The following MID1 variants were observed in gnomAD, a reference collection of about 807,000 sequenced individuals.
MID1 encodes the protein E3 ubiquitin-protein ligase Midline-1.
A neutral mutation model predicts 40.4 loss-of-function variants in MID1; 7 were observed. The observed-to-expected ratio is 0.17, with a 90% confidence interval of 0.10 to 0.33. The LOEUF is 0.33. Ranked by LOEUF, MID1 falls within the 10% of genes least tolerant of loss-of-function variation. MID1 has a pLI of 1.00. For synonymous variants in MID1, 229 were observed against 221.2 expected (o/e 1.04, Z -0.31); for missense variants, 367 against 558.5 (o/e 0.66, Z 3.46).
chrX:10,771,364 T>C (rs1048871696), intron 1 of MID1, among the ~76,000 whole-genome samples: 1 of 111,708 alleles, frequency 9.0e-6, no homozygotes, highest in African/African-American at 3.3e-5. Context: ...AAGAGAAGTA[T>C]AAACTTCTCA....
intron 1 of MID1, among the ~76,000 whole-genome samples, chrX:10,578,750 T>C (rs1347182306): frequency 9.0e-6 from 1 of 111,673 alleles, no homozygotes; most frequent in Non-Finnish European, 1.9e-5. Flanking sequence ...ACACCTAGTC[T>C]CCTGGCAGAA....
chrX:10,547,294 C>CGG (rs1933719262), intron 2 of MID1, among the ~76,000 whole-genome samples: 1 of 110,994 alleles, frequency 9.0e-6, no homozygotes, highest in Non-Finnish European at 1.9e-5. Flanking sequence ...AGAAGGAGGC[C>CGG]GGGCACAGTG....
At chrX:10,487,323 A>G (rs1930671426) in intron 4 of MID1, among the ~76,000 whole-genome samples, 1 of 112,106 alleles carries the variant, frequency 8.9e-6, no homozygotes, top group Non-Finnish European at 1.9e-5. Context: ...GTAGTTTATT[A>G]AATTTTATAT....
chrX:10,647,750 C>T (rs1185652905), intron 1 of MID1, among the ~76,000 whole-genome samples: 6 of 111,056 alleles, frequency 5.4e-5, no homozygotes, highest in Middle Eastern at 4.6e-3. Flanking sequence ...ATGCAGTCAT[C>T]GCCATTCAAG....
At chrX:10,537,915 G>A (rs1380850372) in intron 2 of MID1, among the ~76,000 whole-genome samples, 1 of 111,771 alleles carries the variant, frequency 8.9e-6, no homozygotes, top group Non-Finnish European at 1.9e-5. Context: ...AAACTCAACT[G>A]TCTTAAATGC....
At chrX:10,542,635 A>G (rs2147411150) in intron 2 of MID1, among the ~76,000 whole-genome samples, 1 of 112,203 alleles carries the variant, frequency 8.9e-6, no homozygotes, top group East Asian at 2.8e-4. Flanking sequence ...GATTTAATAT[A>G]CTAGCCAGAT....
At chrX:10,769,178 G>A (rs1229147445) in intron 1 of MID1, among the ~76,000 whole-genome samples, 4 of 111,434 alleles carry the variant, frequency 3.6e-5, no homozygotes, top group Non-Finnish European at 7.5e-5. Flanking sequence ...AACCCATGAT[G>A]GCACTTTATA....
chrX:10,464,461 G>A (rs1929226131), intron 7 of MID1, among the ~76,000 whole-genome samples: 1 of 112,066 alleles, frequency 8.9e-6, no homozygotes, highest in Non-Finnish European at 1.9e-5. Flanking sequence ...CCAATTCCTT[G>A]CTCCTTCCTT....
chrX:10,660,609 T>C (rs1053619278), intron 1 of MID1, among the ~76,000 whole-genome samples: 2 of 112,647 alleles, frequency 1.8e-5, no homozygotes, highest in African/African-American at 6.4e-5. Flanking sequence ...AGGATATTTC[T>C]ATAGACATTT....
chrX:10,687,968 G>T lies in MID1; in HGVS notation c.-186-67549C>A, dbSNP rs1021670906. On this transcript the variant is annotated intron_variant, in intron 1 of 10. Coordinates refer to the MID1 transcript ENST00000380785. Reference sequence around the variant, plus strand: ...CCTGGACTCAAGTGATCCTCCTCCCGTCGCTTCCCCAGAGTGCTAGGATTA... The same window carrying T: ...CCTGGACTCAAGTGATCCTCCTCCCTTCGCTTCCCCAGAGTGCTAGGATTA... 4.5e-5 allele frequency among the ~76,000 whole-genome samples: 5 copies of T among 110,853 alleles called. No homozygotes were observed. In the Admixed American group the frequency reaches 4.8e-4, roughly 11 times the overall value.
chrX:10,704,718 A>ATG (rs1350694241), intron 1 of MID1, among the ~76,000 whole-genome samples: 1 of 76,838 alleles, frequency 1.3e-5, no homozygotes, highest in African/African-American at 6.0e-5. Flanking sequence ...GTGTGTGTGT[A>ATG]TATATATATA....
chrX:10,557,340 G>A lies in MID1; in HGVS notation c.660+9548C>T, dbSNP rs139217043. Among the ~76,000 whole-genome samples the A allele has an allele frequency of 2.8e-4, 31 of 112,104 alleles. No individual in the cohort carries two copies. In the East Asian group the frequency reaches 6.4e-3, roughly 23 times the overall value. On this transcript the variant is annotated intron_variant, in intron 2 of 9. Coordinates refer to ENST00000317552, the MANE Select transcript of MID1 (RefSeq NM_000381.4). ...TGGTTTATTGCCAGGCCAAGCAGGC[G>A]TTTAAAAATTACCGTAAAATCATTG...
At chrX:10,516,561 T>C (rs181616259) in intron 3 of MID1, among the ~76,000 whole-genome samples, 3,168 of 10,725 alleles carry the variant, frequency 0.3, 80 homozygotes, top group Middle Eastern at 0.5. Flanking sequence ...ACTCTGCTCT[T>C]GTGTGTGTGT....
chrX:10,631,162 T>C (rs911403590), intron 1 of MID1, among the ~76,000 whole-genome samples: 15 of 112,462 alleles, frequency 1.3e-4, no homozygotes, highest in African/African-American at 4.8e-4. Context: ...GCAGCACTGA[T>C]GCTGGAAACA....
chrX:10,624,341 G>GA (rs967145215), upstream of MID1, among the ~76,000 whole-genome samples: 4 of 111,944 alleles, frequency 3.6e-5, no homozygotes, highest in Non-Finnish European at 7.5e-5. Flanking sequence ...GGAAAGAAGG[G>GA]AAAAAATCTA....
chrX:10,585,250 A>C (rs749359640), intron 1 of MID1, among the ~76,000 whole-genome samples: 23 of 110,800 alleles, frequency 2.1e-4, no homozygotes, highest in South Asian at 7.8e-4. Context: ...AAACAATATA[A>C]AACAATATGA....
At chrX:10,787,681 G>A (rs2043897653) in intron 1 of MID1, among the ~76,000 whole-genome samples, 1 of 102,291 alleles carries the variant, frequency 9.8e-6, no homozygotes, top group Non-Finnish European at 2.0e-5. Context: ...AAAGTGCTGG[G>A]ATTACAGGTC....
intron 1 of MID1, among the ~76,000 whole-genome samples, chrX:10,817,947 C>T (rs1399393796): frequency 1.8e-5 from 2 of 111,827 alleles, no homozygotes; most frequent in East Asian, 5.6e-4. Context: ...ATCAAAATGA[C>T]ATTTCCTTGA....
intron 1 of MID1, among the ~76,000 whole-genome samples, chrX:10,579,386 A>G (rs1432645415): frequency 9.0e-6 from 1 of 111,658 alleles, no homozygotes; most frequent in Non-Finnish European, 1.9e-5. Flanking sequence ...CCCCTTCCCA[A>G]TTATTACCAA....
Sources: allele counts gnomAD v4.1 joint callset (sites outside exome capture counted in the v4.1 genomes callset), GRCh38; gene constraint gnomAD v4.1.1; transcripts MANE v1.5; gene names NCBI Gene and HGNC (gene_info 2026-07-23, HGNC 2026-07-21).